CDH4: variants seen among roughly 807,000 people sequenced by gnomAD.
CDH4 encodes cadherin 4.
CDH4 carries 33 observed loss-of-function variants against 86.0 expected under a neutral mutation model. That is an observed-to-expected ratio of 0.38 (90% confidence interval 0.29 to 0.51). The LOEUF (loss-of-function observed/expected upper bound fraction) is 0.51, where lower values mean the gene tolerates loss of function less well. CDH4 is among the 20% of genes least tolerant of loss of function. The probability of loss-of-function intolerance (pLI) is 0.86; values close to 1 mark genes in which losing one functional copy is unlikely to be tolerated. For synonymous variants in CDH4, 555 were observed against 549.4 expected, an observed-to-expected ratio of 1.01 and a Z score of -0.14; for missense variants, 1,114 against 1,307.4, an observed-to-expected ratio of 0.85 and a Z score of 2.28.
chr20:61,713,910 C>T (rs932216875), intron 2 of CDH4, among the ~76,000 whole-genome samples: 3 of 152,292 alleles, frequency 2.0e-5, no homozygotes, highest in Non-Finnish European at 2.9e-5. Flanking sequence ...CAGCTTTCCC[C>T]GTGCAGTGGG....
intron 2 of CDH4, among the ~76,000 whole-genome samples, chr20:61,613,496 A>T (rs944257777): frequency 6.6e-6 from 1 of 151,488 alleles, no homozygotes; most frequent in African/African-American, 2.4e-5. Flanking sequence ...CTTTTCTTCT[A>T]TCACCTCCAC....
intron 7 of CDH4, among the ~76,000 whole-genome samples, chr20:61,884,694 G>A (rs1294883825): frequency 6.6e-6 from 1 of 152,170 alleles, no homozygotes; most frequent in Non-Finnish European, 1.5e-5. Flanking sequence ...CTCACCTCGG[G>A]GGCGGCTGCT....
At chr20:61,933,256 G>A in intron 14 of CDH4, 132 bp downstream of exon 14, 1 of 1,175,360 alleles carries the variant, frequency 8.5e-7, no homozygotes, top group Non-Finnish European at 1.2e-6. Context: ...TGCCAGGCAG[G>A]GGCGCACGGT....
At chr20:61,639,831 A>G (rs2086986832) in intron 2 of CDH4, among the ~76,000 whole-genome samples, 1 of 152,038 alleles carries the variant, frequency 6.6e-6, no homozygotes, top group South Asian at 2.1e-4. Context: ...TGTCCTTTTT[A>G]TAGTGAGAAT....
intron 2 of CDH4, among the ~76,000 whole-genome samples, chr20:61,523,510 A>C (rs1419471021): frequency 1.3e-5 from 2 of 152,196 alleles, no homozygotes; most frequent in East Asian, 3.9e-4. Flanking sequence ...GGCCTCTTGT[A>C]AATCTTCCTC....
At chr20:61,874,450 G>GC (rs1288299144) in intron 7 of CDH4, among the ~76,000 whole-genome samples, 2 of 152,182 alleles carry the variant, frequency 1.3e-5, no homozygotes, top group Non-Finnish European at 2.9e-5. Context: ...GCACTGTCCT[G>GC]CGGTCCTACG....
intron 2 of CDH4, among the ~76,000 whole-genome samples, chr20:61,693,218 C>T (rs1027935527): frequency 2.6e-5 from 4 of 152,178 alleles, no homozygotes; most frequent in African/African-American, 9.7e-5. Flanking sequence ...CAGGCCTGTC[C>T]CTGATGCTTT....
In CDH4 at chr20:61,582,476, A is replaced by G. The variant is rs1188998414; in HGVS notation, c.170-161087A>G. Among the ~76,000 whole-genome samples, 1 of 152,126 alleles carries G rather than the reference A, an allele frequency of 6.6e-6. No individual in the cohort carries two copies. Among genetic ancestry groups the G allele is most frequent in the African/African-American group, 2.4e-5 (1 of 41,426 alleles). On this transcript the variant is annotated intron_variant, in intron 2 of 15. Transcript: ENST00000614565. This position sits in a 1 kb window ranked among gnomAD's most constrained non-coding sequence, Gnocchi z 4.2. ...CCCTGTGGCCCTGGGCTCCAGGCTA[A>G]CTCTCTGGAATGTTCCAACCTGGTT...
chr20:61,931,260 C>G (rs1474367492), intron 13 of CDH4, among the ~76,000 whole-genome samples: 2 of 152,236 alleles, frequency 1.3e-5, no homozygotes, highest in Non-Finnish European at 2.9e-5. Context: ...GCTCCAGGCT[C>G]CAGGTTCTCA....
intron 2 of CDH4, among the ~76,000 whole-genome samples, chr20:61,637,428 A>G (rs2145796568): frequency 6.6e-6 from 1 of 152,228 alleles, no homozygotes; most frequent in African/African-American, 2.4e-5. Context: ...CCCAGTGTGA[A>G]CGTTGGAGGC....
At chr20:61,664,840 C>T (rs1006361808) in intron 2 of CDH4, among the ~76,000 whole-genome samples, 5 of 152,214 alleles carry the variant, frequency 3.3e-5, no homozygotes, top group East Asian at 1.9e-4. Context: ...TCTAATGTGG[C>T]GTCTTGGTGT....
chr20:61,502,394 G>A (rs551274603), intron 2 of CDH4, among the ~76,000 whole-genome samples: 1 of 152,196 alleles, frequency 6.6e-6, no homozygotes, highest in South Asian at 2.1e-4. Context: ...TCCCAGGGTT[G>A]TCCTGGGACT....
intron 2 of CDH4, among the ~76,000 whole-genome samples, chr20:61,368,462 C>T (rs932797592): frequency 2.0e-5 from 3 of 152,192 alleles, no homozygotes; most frequent in African/African-American, 4.8e-5. Flanking sequence ...ACTGAATCTG[C>T]AGGCACCTTG....
intron 2 of CDH4, among the ~76,000 whole-genome samples, chr20:61,549,631 G>A (rs73320395): frequency 0.013 from 2,032 of 152,260 alleles, 54 homozygotes; most frequent in African/African-American, 0.044. Flanking sequence ...CATCCATTTC[G>A]GGAAAGGACG....
intron 2 of CDH4, among the ~76,000 whole-genome samples, chr20:61,671,877 G>A (rs2087392986): frequency 6.6e-6 from 1 of 151,368 alleles, no homozygotes; most frequent in Admixed American, 6.6e-5. Context: ...TGGATGGATG[G>A]TGGATGGACA....
In CDH4 at chr20:61,898,716, G is replaced by A. The variant is rs539379438; in HGVS notation, c.1188+3669G>A. Among the ~76,000 whole-genome samples, 7 of 152,342 alleles carry A rather than the reference G, an allele frequency of 4.6e-5. No individual in the cohort carries two copies. In the East Asian group the frequency reaches 5.8e-4, roughly 13 times the overall value. On this transcript the variant is annotated intron_variant, in intron 8 of 15. Transcript: ENST00000614565. ...CCGGAGAGCTGGACCTCTCTGAGCC[G>A]CAGGATTTTATCCCGGCTTTCCACC...
chr20:61,766,249 A>G (rs1453364311), intron 3 of CDH4, among the ~76,000 whole-genome samples: 1 of 149,960 alleles, frequency 6.7e-6, no homozygotes, highest in Non-Finnish European at 1.5e-5. Context: ...CAATTTGGAC[A>G]AATTCTTCCA....
intron 7 of CDH4, among the ~76,000 whole-genome samples, chr20:61,878,485 TC>T (rs1291726518): frequency 6.6e-6 from 1 of 152,216 alleles, no homozygotes; most frequent in Non-Finnish European, 1.5e-5. Flanking sequence ...TGTTTCCCCT[TC>T]TAAAGGCACC....
intron 2 of CDH4, among the ~76,000 whole-genome samples, chr20:61,308,645 A>G (rs1193090210): frequency 6.6e-6 from 1 of 152,236 alleles, no homozygotes; most frequent in Admixed American, 6.5e-5. Context: ...GGCACCATCC[A>G]GACAAAATGC....
Sources: gnomAD v4.1 joint callset for allele counts (sites outside exome capture counted in the v4.1 genomes callset) on GRCh38, gnomAD v4.1.1 for gene constraint, Gnocchi (gnomAD v3.1) non-coding constraint, MANE v1.5 for transcripts, NCBI Gene and HGNC (gene_info 2026-07-23, HGNC 2026-07-21) for gene names.